Variants in HS3ST5 observed in about 807,000 individuals in gnomAD.
HS3ST5 encodes heparan sulfate glucosamine 3-O-sulfotransferase 5.
A neutral mutation model predicts 25.4 loss-of-function variants in HS3ST5; 10 were observed. The observed-to-expected ratio is 0.39, with a 90% CI of 0.24 to 0.67. The LOEUF is 0.67. Ranked by LOEUF, HS3ST5 falls within the 30% of genes least tolerant of loss-of-function variation. The pLI is 0.44. For missense variants in HS3ST5, 324 were observed against 420.7 expected (o/e 0.77, Z 2.01); for synonymous variants, 170 against 162.4 (o/e 1.05, Z -0.36).
chr6:114,253,630 G>A (rs1772767209), intron 1 of HS3ST5, among the ~76,000 whole-genome samples: 1 of 152,128 alleles, frequency 6.6e-6, no homozygotes, highest in African/African-American at 2.4e-5. Context: ...TGTACACTAG[G>A]TCTCCAAGTT....
chr6:114,158,050 G>A (rs1467984475), intron 3 of HS3ST5, among the ~76,000 whole-genome samples: 1 of 152,174 alleles, frequency 6.6e-6, no homozygotes, highest in African/African-American at 2.4e-5. Context: ...CCTTCCTGAA[G>A]TGAAGCAGCG....
intron 2 of HS3ST5, among the ~76,000 whole-genome samples, chr6:114,218,145 C>T (rs974924906): frequency 2.6e-5 from 4 of 152,032 alleles, no homozygotes; most frequent in East Asian, 1.9e-4. Flanking sequence ...TTACAGGTGC[C>T]TGCTACCATG....
In HS3ST5 at chr6:114,232,393, G is replaced by A. The variant is rs9372391; in HGVS notation, c.-338-3615C>T. Among the ~76,000 whole-genome samples, 13 of 151,864 alleles carry A rather than the reference G, an allele frequency of 8.6e-5. No homozygotes were observed. In the East Asian group the frequency reaches 2.3e-3, roughly 27 times the overall value. ...TTTAGCAGAGATGAGGTTTCTCTAT[G>A]TTGCCCAGGCTGGTCTCAAACTCCT... On this transcript the variant is annotated intron_variant, in intron 1 of 4. Coordinates refer to ENST00000312719, the MANE Select transcript of HS3ST5 (RefSeq NM_153612.4).
At chr6:114,167,778 T>C (rs565571611) in intron 3 of HS3ST5, 3 of 152,198 alleles carry the variant, frequency 2.0e-5, no homozygotes, top group Non-Finnish European at 4.4e-5. Flanking sequence ...AAAAGCACGA[T>C]AGAACTTGTC....
chr6:114,308,190 T>A (rs748353331), intron 1 of HS3ST5, among the ~76,000 whole-genome samples: 1 of 152,150 alleles, frequency 6.6e-6, no homozygotes, highest in Admixed American at 6.5e-5. Flanking sequence ...TAAGCATAAA[T>A]TGAATTTTAA....
chr6:114,167,777 A>C (rs758470867), intron 3 of HS3ST5: 9 of 152,230 alleles, frequency 5.9e-5, no homozygotes, highest in Non-Finnish European at 1.2e-4. Flanking sequence ...AAAAAGCACG[A>C]TAGAACTTGT....
At chr6:114,244,456 A>T (rs963646040) in intron 1 of HS3ST5, among the ~76,000 whole-genome samples, 6 of 152,224 alleles carry the variant, frequency 3.9e-5, no homozygotes, top group African/African-American at 1.4e-4. Context: ...TGGAGAAAAT[A>T]ATGTATTTCA....
At chr6:114,082,541 G>A (rs1027107978) in intron 3 of HS3ST5, among the ~76,000 whole-genome samples, 2 of 152,118 alleles carry the variant, frequency 1.3e-5, no homozygotes, top group East Asian at 1.9e-4. Flanking sequence ...AATAAAGTTC[G>A]CATTTATTGA....
chr6:114,300,181 T>C lies in HS3ST5; in HGVS notation c.-339+42014A>G, dbSNP rs190802248. 3.0e-3 allele frequency among the ~76,000 whole-genome samples: 456 copies of C among 151,950 alleles called. 5 individuals carry two copies. Among genetic ancestry groups the C allele is most frequent in the Admixed American group, 4.4e-3 (67 of 15,260 alleles). ...GATTTCATCAAAATTAAAACTATTGTGCTATAGTATTTCAAAGGACATCAT... is the reference window on the plus strand; with the variant it reads ...GATTTCATCAAAATTAAAACTATTGCGCTATAGTATTTCAAAGGACATCAT... On this transcript the variant is annotated intron_variant, in intron 1 of 4. Coordinates refer to ENST00000312719, the MANE Select transcript of HS3ST5 (RefSeq NM_153612.4).
chr6:114,298,246 A>G (rs937597355), intron 1 of HS3ST5, among the ~76,000 whole-genome samples: 7 of 152,240 alleles, frequency 4.6e-5, no homozygotes, highest in Non-Finnish European at 1.0e-4. Flanking sequence ...TCAAGTATGC[A>G]TATCTAGCAC....
intron 3 of HS3ST5, among the ~76,000 whole-genome samples, chr6:114,149,580 G>A (rs1194878639): frequency 6.6e-6 from 1 of 152,080 alleles, no homozygotes; most frequent in Non-Finnish European, 1.5e-5. Flanking sequence ...GGGGCCTGTT[G>A]GCAGGTGGGG....
intron 1 of HS3ST5, among the ~76,000 whole-genome samples, chr6:114,253,133 T>C (rs1430762073): frequency 6.6e-6 from 1 of 152,164 alleles, no homozygotes; most frequent in African/African-American, 2.4e-5. Flanking sequence ...AGTTCAAGGC[T>C]GCAGTGAGCT....
chr6:114,234,046 G>T (rs1771738180), intron 1 of HS3ST5, among the ~76,000 whole-genome samples: 1 of 152,156 alleles, frequency 6.6e-6, no homozygotes. Flanking sequence ...TTCCAAGTTG[G>T]AGAACGGTAG....
intron 1 of HS3ST5, among the ~76,000 whole-genome samples, chr6:114,293,650 A>G (rs893182685): frequency 2.6e-5 from 4 of 152,214 alleles, no homozygotes; most frequent in African/African-American, 9.6e-5. Context: ...TTATCTAAAT[A>G]TGGATAATAA....
chr6:114,303,124 G>T (rs1253621652), intron 1 of HS3ST5, among the ~76,000 whole-genome samples: 2 of 152,158 alleles, frequency 1.3e-5, no homozygotes, highest in African/African-American at 4.8e-5. Context: ...GTTTCACCAA[G>T]TCCGGCCTCA....
chr6:114,081,963 G>A (rs534014230), intron 3 of HS3ST5, among the ~76,000 whole-genome samples: 8 of 151,950 alleles, frequency 5.3e-5, no homozygotes, highest in Non-Finnish European at 1.0e-4. Context: ...TTACATTTAC[G>A]TTTTCATCAT....
intron 3 of HS3ST5, among the ~76,000 whole-genome samples, chr6:114,119,982 C>CA (rs1174825715): frequency 3.3e-5 from 5 of 151,864 alleles, no homozygotes; most frequent in Non-Finnish European, 7.4e-5. Context: ...CCGTCTCTAC[C>CA]AAAAATACAA....
At chr6:114,327,090 A>AT (rs1291955587) in intron 1 of HS3ST5, among the ~76,000 whole-genome samples, 1 of 152,076 alleles carries the variant, frequency 6.6e-6, no homozygotes, top group Admixed American at 6.6e-5. Flanking sequence ...AGCTCCTGAC[A>AT]TTTTTTTCTT....
intron 3 of HS3ST5, among the ~76,000 whole-genome samples, chr6:114,163,809 C>A (rs994081822): frequency 6.6e-6 from 1 of 152,008 alleles, no homozygotes; most frequent in African/African-American, 2.4e-5. Context: ...GAGAGTTTTT[C>A]TTTTTCACTC....
Sources: gnomAD v4.1 joint callset for allele counts (sites outside exome capture counted in the v4.1 genomes callset) on GRCh38, gnomAD v4.1.1 for gene constraint, MANE v1.5 for transcripts, NCBI Gene and HGNC (gene_info 2026-07-23, HGNC 2026-07-21) for gene names.